CDH18: variants seen among roughly 807,000 people sequenced by gnomAD.
CDH18 encodes the protein cadherin-18.
CDH18 carries 31 observed loss-of-function variants against 67.9 expected under a neutral mutation model. That is an observed-to-expected ratio of 0.46 (90% CI 0.34 to 0.62). The LOEUF (loss-of-function observed/expected upper bound fraction) is 0.62. Among genes scored for constraint, CDH18 ranks in the 20% least tolerant of loss-of-function variants. CDH18 has a pLI of 0.01. For synonymous variants in CDH18, 362 were observed against 347.2 expected (o/e 1.04, Z -0.48); for missense variants, 890 against 975.5 (o/e 0.91, Z 1.17).
At chr5:19,508,865 C>CTTTTTTTT (rs35438564) in intron 10 of CDH18, among the ~76,000 whole-genome samples, 5 of 127,606 alleles carry the variant, frequency 3.9e-5, no homozygotes, top group African/African-American at 3.0e-5. Flanking sequence ...TCTTTCTTTT[C>CTTTTTTTT]TTTTTTTTTT....
chr5:19,754,808 G>A (rs1771311879), intron 3 of CDH18, among the ~76,000 whole-genome samples: 1 of 152,068 alleles, frequency 6.6e-6, no homozygotes, highest in Non-Finnish European at 1.5e-5. Flanking sequence ...GTTATATCAA[G>A]CACTCTCTCA....
chr5:20,549,564 G>T (rs1209617585), intron 1 of CDH18, among the ~76,000 whole-genome samples: 1 of 152,130 alleles, frequency 6.6e-6, no homozygotes, highest in Non-Finnish European at 1.5e-5. Flanking sequence ...GAGTTTGGAT[G>T]TTATCTTGAG....
At chr5:19,914,177 T>C (rs982041488) in intron 2 of CDH18, among the ~76,000 whole-genome samples, 2 of 152,070 alleles carry the variant, frequency 1.3e-5, no homozygotes, top group Non-Finnish European at 2.9e-5. Context: ...TATGTGTTGT[T>C]TGATACAAAA....
chr5:20,025,373 A>G (rs1738804247), intron 2 of CDH18, among the ~76,000 whole-genome samples: 1 of 152,168 alleles, frequency 6.6e-6, no homozygotes, highest in Non-Finnish European at 1.5e-5. Context: ...AATAATTACA[A>G]CTTTTTCTAG....
At chr5:20,106,026 T>C (rs943829541) in intron 2 of CDH18, among the ~76,000 whole-genome samples, 10 of 152,122 alleles carry the variant, frequency 6.6e-5, no homozygotes, top group African/African-American at 2.4e-4. Flanking sequence ...TGTTCTATTG[T>C]GTGTGTGTAG....
intron 1 of CDH18, among the ~76,000 whole-genome samples, chr5:20,574,926 A>C (rs1759033001): frequency 1.3e-5 from 2 of 152,118 alleles, no homozygotes; most frequent in South Asian, 4.1e-4. Context: ...CACATCATTT[A>C]ACAAATATTG....
At chr5:19,963,996 A>C (rs1349919589) in intron 2 of CDH18, among the ~76,000 whole-genome samples, 2 of 151,940 alleles carry the variant, frequency 1.3e-5, no homozygotes, top group Non-Finnish European at 2.9e-5. Flanking sequence ...TGATCCAATC[A>C]CCTCCTACCA....
At chr5:19,763,805 G>A (rs1772684700) in intron 3 of CDH18, among the ~76,000 whole-genome samples, 1 of 151,754 alleles carries the variant, frequency 6.6e-6, no homozygotes, top group African/African-American at 2.4e-5. Context: ...GTGCAACCAG[G>A]AAATAGATGG....
chr5:20,554,985 G>C (rs561232684), intron 1 of CDH18, among the ~76,000 whole-genome samples: 1 of 152,238 alleles, frequency 6.6e-6, no homozygotes, highest in South Asian at 2.1e-4. Context: ...AGGCATCTTT[G>C]GCCAAGTTAT....
intron 5 of CDH18, among the ~76,000 whole-genome samples, chr5:19,668,811 G>A (rs1758321293): frequency 6.6e-6 from 1 of 152,056 alleles, no homozygotes; most frequent in Non-Finnish European, 1.5e-5. Flanking sequence ...GTGCAAGCAT[G>A]TATATCCTTG....
At chr5:19,627,151 T>C (rs1751677890) in intron 5 of CDH18, among the ~76,000 whole-genome samples, 1 of 152,206 alleles carries the variant, frequency 6.6e-6, no homozygotes, top group Non-Finnish European at 1.5e-5. Flanking sequence ...GTGGATGTAT[T>C]GATCTGGTGA....
chr5:20,199,494 A>G (rs564836940), intron 2 of CDH18, among the ~76,000 whole-genome samples: 2 of 152,322 alleles, frequency 1.3e-5, no homozygotes, highest in African/African-American at 4.8e-5. Flanking sequence ...GTATCTAGGA[A>G]GTAACTAACT....
At chr5:20,217,142 G>C (rs1484648207) in intron 2 of CDH18, among the ~76,000 whole-genome samples, 1 of 151,818 alleles carries the variant, frequency 6.6e-6, no homozygotes, top group Non-Finnish European at 1.5e-5. Flanking sequence ...AAATGCTAAA[G>C]AGAGTTCTTC....
intron 1 of CDH18, among the ~76,000 whole-genome samples, chr5:20,561,658 T>C (rs1158002768): frequency 2.0e-5 from 3 of 152,004 alleles, no homozygotes; most frequent in Non-Finnish European, 4.4e-5. Flanking sequence ...TTCTGTATGA[T>C]TCTATAATAG....
intron 1 of CDH18, among the ~76,000 whole-genome samples, chr5:20,335,912 T>C (rs1739681753): frequency 6.6e-6 from 1 of 152,246 alleles, no homozygotes; most frequent in Non-Finnish European, 1.5e-5. Context: ...AATGATTTCA[T>C]TTACTTTTAA....
chr5:20,202,680 C>T (rs941222970), intron 2 of CDH18, among the ~76,000 whole-genome samples: 2 of 150,926 alleles, frequency 1.3e-5, no homozygotes, highest in Admixed American at 6.6e-5. Flanking sequence ...ATTTTTTTTG[C>T]ATTTTGCTAG....
At chr5:19,981,450 T>G (rs1385673248) in intron 1 of CDH18, among the ~76,000 whole-genome samples, 1 of 152,294 alleles carries the variant, frequency 6.6e-6, no homozygotes, top group African/African-American at 2.4e-5. Context: ...CACAGTTCAG[T>G]TATGAAGGCT....
intron 3 of CDH18, among the ~76,000 whole-genome samples, chr5:19,772,547 C>G (rs79829207): frequency 1.1e-4 from 17 of 152,272 alleles, no homozygotes; most frequent in African/African-American, 4.1e-4. Flanking sequence ...AAAAGAAAAG[C>G]AGCCCTGTCC....
At chr5:19,741,363 T>C (rs1025595694) in intron 4 of CDH18, among the ~76,000 whole-genome samples, 8 of 136,132 alleles carry the variant, frequency 5.9e-5, no homozygotes, top group African/African-American at 2.0e-4. Context: ...CACACACACA[T>C]ATATGACAGC....
Sources: allele counts gnomAD v4.1 joint callset (sites outside exome capture counted in the v4.1 genomes callset), GRCh38; gene constraint gnomAD v4.1.1; transcripts MANE v1.5; gene names NCBI Gene and HGNC (gene_info 2026-07-23, HGNC 2026-07-21).